ARID3A: variants seen among roughly 807,000 people sequenced by gnomAD.
The protein encoded by ARID3A is AT-rich interaction domain 3A, also known as AT-rich interactive domain-containing protein 3A.
Under a neutral mutation model 52.7 loss-of-function variants are expected in ARID3A, and 11 were observed. The ratio of observed to expected loss-of-function variants is 0.21; its 90% CI spans 0.13 to 0.35. The LOEUF is 0.35. Among genes scored for constraint, ARID3A ranks in the 10% least tolerant of loss-of-function variants. ARID3A has a pLI of 1.00. For synonymous variants in ARID3A, 404 were observed against 359.4 expected (o/e 1.12, Z -1.40); for missense variants, 721 against 838.5 (o/e 0.86, Z 1.73).
chr19:931,796 G>C (rs1351401167), intron 2 of ARID3A, among the ~76,000 whole-genome samples: 2 of 148,328 alleles, frequency 1.3e-5, no homozygotes, highest in Non-Finnish European at 3.0e-5. Flanking sequence ...CTGGACGACA[G>C]AGCGAGACTC....
intron 3 of ARID3A, among the ~76,000 whole-genome samples, chr19:949,033 C>T (rs2037747858): frequency 6.6e-6 from 1 of 152,092 alleles, no homozygotes; most frequent in African/African-American, 2.4e-5. Context: ...GAGTCTACAG[C>T]AGTGATGTGG....
At chr19:943,639 G>A (rs1400439057) in intron 3 of ARID3A, among the ~76,000 whole-genome samples, 1 of 152,180 alleles carries the variant, frequency 6.6e-6, no homozygotes, top group Admixed American at 6.5e-5. Context: ...TGGAGACAGA[G>A]GCAGAGGCTG....
At chr19:932,383 C>T (rs2037350042) in intron 2 of ARID3A, 35 bp from the exon 3 acceptor site, 7 of 1,583,570 alleles carry the variant, frequency 4.4e-6, no homozygotes, top group Non-Finnish European at 5.1e-6. Context: ...GAGCCAGCAC[C>T]TTCTCCCCTG....
chr19:946,978 A>G (rs1160431770), intron 3 of ARID3A, among the ~76,000 whole-genome samples: 1 of 138,960 alleles, frequency 7.2e-6, no homozygotes, highest in Admixed American at 7.3e-5. Flanking sequence ...TTTTTTTTGT[A>G]AAAACAGGGT....
At chr19:965,818 C>A (rs971211447) in intron 6 of ARID3A, among the ~76,000 whole-genome samples, 2 of 151,526 alleles carry the variant, frequency 1.3e-5, no homozygotes, top group Non-Finnish European at 2.9e-5. Flanking sequence ...ATGGTGAAAC[C>A]CTGTCTCTAC....
In ARID3A at chr19:966,557, T is replaced by C; in HGVS notation, c.1199-15T>C. On this transcript the variant is annotated splice_polypyrimidine_tract_variant and intron_variant, in intron 6 of 8. Transcript: ENST00000263620. ...AGCCCCTCCTGGCCACCAATTCCCC[T>C]TTTTTCCTACCTAGAGGAGGACTCA... 6.6e-7 allele frequency: 1 copy of C among 1,509,818 alleles called. No individual in the cohort carries two copies. Among genetic ancestry groups the C allele is most frequent in the South Asian group, 1.3e-5 (1 of 75,434 alleles). The allele number at this position is 1,509,818 out of a possible 1,614,324, so 93.5% of individuals were successfully genotyped here.
intron 3 of ARID3A, among the ~76,000 whole-genome samples, chr19:958,513 C>T (rs1426206558): frequency 6.6e-6 from 1 of 151,982 alleles, no homozygotes; most frequent in East Asian, 1.9e-4. Flanking sequence ...GACAGGACCT[C>T]ATTTGGAAAC....
At position 929,463 on chromosome 19, in the gene ARID3A, C is replaced by T. The variant is rs2037269999; in HGVS notation, c.-66C>T. On this transcript the variant is annotated 5_prime_UTR_variant, in exon 2 of 9. Transcript: ENST00000263620. The surrounding 1 kb of genome is among the most constrained non-coding windows in gnomAD (Gnocchi z 6.2). ...CCCCTCCCCGCAGGGGCCGCCCCCGCCGCCCACCCCTAGCGCCCGTGGTGG... is the reference window on the plus strand; with the variant it reads ...CCCCTCCCCGCAGGGGCCGCCCCCGTCGCCCACCCCTAGCGCCCGTGGTGG... 2 of 1,404,564 alleles carry T rather than the reference C, an allele frequency of 1.4e-6. No individual in the cohort carries two copies. The highest frequency in any genetic ancestry group is 1.5e-5 in the African/African-American group (1 of 64,894). 87.0% of individuals were successfully genotyped at this position (1,404,564 alleles called of 1,614,324 possible). A position where few individuals can be genotyped will look rare whatever the true frequency, so the allele number is the denominator to read the frequency against.
chr19:932,577 G>C lies in ARID3A; in HGVS notation c.528G>C (p.Lys176Asn), dbSNP rs990078382. The change falls in exon 3 of 9, where the codon AAG becomes AAC. Residue 176 changes from lysine (K) to asparagine (N), a missense_variant. By Grantham distance (94) the Lys-to-Asn change is moderately conservative. Coordinates refer to ENST00000263620, the MANE Select transcript of ARID3A (RefSeq NM_005224.3). ...SLGTTALFPR[K>N]AQPPQAFRGD... is the part of the protein sequence containing the mutation. ...GCACCACGGCACTGTTCCCCCGAAA[G>C]GCCCAGCCACCCCAGGCCTTCCGCG... 5.3e-6 allele frequency: 8 copies of C among 1,504,866 alleles called. No homozygotes were observed. The African/African-American group carries it at 1.0e-4, about 19-fold the overall frequency. The allele number at this position is 1,504,866 out of a possible 1,614,324, so 93.2% of individuals were successfully genotyped here.
At position 956,301 on chromosome 19, in the gene ARID3A, G is replaced by T. The variant is rs1033509950; in HGVS notation, c.694-3791G>T. ...CCCTGCCCGGCTCACTTTTGCAGCT[G>T]AGAAAATCAAGGTTCAAGTAACGAG... On this transcript the variant is annotated intron_variant, in intron 3 of 8. Coordinates refer to ENST00000263620, the MANE Select transcript of ARID3A (RefSeq NM_005224.3). 3.3e-5 allele frequency among the ~76,000 whole-genome samples: 5 copies of T among 152,286 alleles called. No homozygotes were observed. In the East Asian group the frequency reaches 9.6e-4, roughly 29 times the overall value.
At position 929,907 on chromosome 19, in the gene ARID3A, G is replaced by A. The variant is rs1170137754; in HGVS notation, c.368+11G>A. 1 of 1,539,052 alleles carries A rather than the reference G, an allele frequency of 6.5e-7. No individual in the cohort carries two copies. The highest frequency in any genetic ancestry group is 2.4e-5 in the East Asian group (1 of 40,878). ...CTCCGACGAGGACATGTGAGTTGGG[G>A]TCTGGGGCAGGGCCTTCTGGGGGCT... is the stretch of plus-strand genomic sequence containing the variant. On this transcript the variant is annotated intron_variant, in intron 2 of 8. Transcript: ENST00000263620. The surrounding 1 kb of genome is among the most constrained non-coding windows in gnomAD (Gnocchi z 6.2).
intron 3 of ARID3A, among the ~76,000 whole-genome samples, chr19:934,161 G>A (rs1410821979): frequency 2.0e-5 from 3 of 152,182 alleles, no homozygotes; most frequent in African/African-American, 7.2e-5. Flanking sequence ...GCAGGAGCCG[G>A]ACGGAGACCT....
In ARID3A at chr19:941,135, C is replaced by T. The variant is rs1273827652; in HGVS notation, c.693+8393C>T. Among the ~76,000 whole-genome samples the T allele has an allele frequency of 6.6e-6, 1 of 152,208 alleles. No individual in the cohort carries two copies. Among genetic ancestry groups the T allele is most frequent in the African/African-American group, 2.4e-5 (1 of 41,460 alleles). ...TGCCAAGCGCCGGCCCCGCCCCATG[C>T]TTTCTAATAACACACGCGGCAGCCC... On this transcript the variant is annotated intron_variant, in intron 3 of 8. Transcript: ENST00000263620. The surrounding 1 kb of genome is among the most constrained non-coding windows in gnomAD (Gnocchi z 6.9).
chr19:964,225 C>A lies in ARID3A; in HGVS notation c.767-23C>A. The A allele has an allele frequency of 6.3e-7, 1 of 1,594,656 alleles. No individual in the cohort carries two copies. The highest frequency in any genetic ancestry group is 1.1e-5 in the South Asian group (1 of 89,504). ...CTGCAGTGCCCAGGTGGCCCCCAACCTCCCTCTCGCCCCTTCCCCCAGGGA... is the reference window on the plus strand; with the variant it reads ...CTGCAGTGCCCAGGTGGCCCCCAACATCCCTCTCGCCCCTTCCCCCAGGGA... On this transcript the variant is annotated intron_variant, in intron 4 of 8. Transcript: ENST00000263620. This position sits in a 1 kb window ranked among gnomAD's most constrained non-coding sequence, Gnocchi z 5.7.
At chr19:952,441 C>CCAA (rs766083432) in intron 3 of ARID3A, among the ~76,000 whole-genome samples, 1 of 59,768 alleles carries the variant, frequency 1.7e-5, no homozygotes, top group Admixed American at 2.0e-4. Flanking sequence ...GACCCTGTCT[C>CCAA]AAAAAAAAAA....
chr19:964,786 C>T lies in ARID3A; in HGVS notation c.951-47C>T, dbSNP rs189500640. ...CTTTGTACTGAAGGCCAAAGAGAGC[C>T]GTAGGGGTGACCCGGGTGCCATCCT... On this transcript the variant is annotated intron_variant, in intron 5 of 8. Coordinates refer to ENST00000263620, the MANE Select transcript of ARID3A (RefSeq NM_005224.3). This position sits in a 1 kb window ranked among gnomAD's most constrained non-coding sequence, Gnocchi z 5.7. 3.0e-4 allele frequency: 478 copies of T among 1,590,742 alleles called. No individual in the cohort carries two copies. The African/African-American group carries it at 5.5e-3, about 18-fold the overall frequency.
intron 6 of ARID3A, 63 bp from the exon 7 acceptor site, chr19:966,509 G>T: frequency 7.4e-7 from 1 of 1,342,390 alleles, no homozygotes; most frequent in Non-Finnish European, 1.0e-6. Context: ...GCATGTTCCT[G>T]CCTTGAGTGG....
intron 3 of ARID3A, among the ~76,000 whole-genome samples, chr19:939,095 C>CTATTTATTTATT (rs57727834): frequency 8.3e-6 from 1 of 121,196 alleles, no homozygotes; most frequent in African/African-American, 3.0e-5. Flanking sequence ...CACACCTGGC[C>CTATTTATTTATT]TATTTATTTA....
chr19:955,815 C>T (rs999093489), intron 3 of ARID3A, among the ~76,000 whole-genome samples: 4 of 152,196 alleles, frequency 2.6e-5, no homozygotes, highest in African/African-American at 7.2e-5. Context: ...CCTCTACGTG[C>T]GGTTCTTAGC....
Sources: allele counts gnomAD v4.1 joint callset (sites outside exome capture counted in the v4.1 genomes callset), GRCh38; gene constraint gnomAD v4.1.1; non-coding constraint Gnocchi (gnomAD v3.1); transcripts MANE v1.5; gene names NCBI Gene and HGNC (gene_info 2026-07-23, HGNC 2026-07-21).